KCNH8: variants seen among roughly 807,000 people sequenced by gnomAD.
KCNH8 encodes potassium voltage-gated channel subfamily H member 8.
In KCNH8, 70 loss-of-function variants were observed where a neutral mutation model predicts 103.6. The observed-to-expected ratio is 0.68, with a 90% confidence interval of 0.56 to 0.82. The LOEUF (loss-of-function observed/expected upper bound fraction) is 0.82, where lower values mean the gene tolerates loss of function less well. Ranked by LOEUF, KCNH8 falls within the 40% of genes least tolerant of loss-of-function variation. KCNH8 has a pLI of 0.00. For missense variants in KCNH8, 1,217 were observed against 1,329.9 expected (o/e 0.92, Z 1.32); for synonymous variants, 498 against 489.4 (o/e 1.02, Z -0.23).
At chr3:19,450,447 A>G (rs986757971) in intron 9 of KCNH8, 142 bp downstream of exon 9, 9 of 692,056 alleles carry the variant, frequency 1.3e-5, no homozygotes, top group Admixed American at 4.9e-5. Context: ...ATGAATCCCA[A>G]TCCATCTTCT....
chr3:19,173,741 G>T (rs939941162), intron 1 of KCNH8, among the ~76,000 whole-genome samples: 3 of 152,052 alleles, frequency 2.0e-5, no homozygotes, highest in African/African-American at 7.2e-5. Context: ...AGAACATTTA[G>T]ACTACAATTT....
chr3:19,244,423 T>G lies in KCNH8; in HGVS notation c.77-9231T>G, dbSNP rs942064299. The stretch of plus-strand genomic sequence containing the variant: ...GAACATATGAGTGCACGTGTTTTTG[T>G]TTTTGTTTTTTGTTGTTGTTGTTGT... On this transcript the variant is annotated intron_variant, in intron 1 of 15. Transcript: ENST00000328405. 3.2e-4 allele frequency among the ~76,000 whole-genome samples: 49 copies of G among 152,186 alleles called. 1 individual carries two copies. The highest frequency in any genetic ancestry group is 1.1e-3 in the African/African-American group (45 of 41,462).
intron 11 of KCNH8, among the ~76,000 whole-genome samples, chr3:19,504,898 C>A (rs1390432943): frequency 3.3e-5 from 5 of 151,670 alleles, no homozygotes; most frequent in African/African-American, 1.2e-4. Flanking sequence ...CAGCACTATT[C>A]ACAATAGCAA....
chr3:19,236,258 G>A (rs1207490697), intron 1 of KCNH8, among the ~76,000 whole-genome samples: 1 of 152,184 alleles, frequency 6.6e-6, no homozygotes, highest in Non-Finnish European at 1.5e-5. Flanking sequence ...CTTTGAAGAA[G>A]TCTTCATCTG....
intron 7 of KCNH8, among the ~76,000 whole-genome samples, chr3:19,429,250 T>A (rs1038388288): frequency 2.1e-5 from 3 of 142,522 alleles, no homozygotes; most frequent in Non-Finnish European, 4.5e-5. Context: ...CTCGGCTCAC[T>A]GCAAGCTCCG....
intron 3 of KCNH8, among the ~76,000 whole-genome samples, chr3:19,288,583 G>A (rs1473396356): frequency 3.9e-5 from 6 of 152,084 alleles, no homozygotes; most frequent in Non-Finnish European, 8.8e-5. Flanking sequence ...TGGCTGCAAA[G>A]TATTCCATGG....
At chr3:19,355,663 C>T (rs185484460) in intron 5 of KCNH8, among the ~76,000 whole-genome samples, 2 of 152,000 alleles carry the variant, frequency 1.3e-5, no homozygotes, top group Non-Finnish European at 1.5e-5. Flanking sequence ...TGTTCTCACT[C>T]GTAGGTGGCA....
chr3:19,520,866 A>G (rs1398613057), intron 15 of KCNH8, among the ~76,000 whole-genome samples: 2 of 152,006 alleles, frequency 1.3e-5, no homozygotes, highest in Admixed American at 1.3e-4. Context: ...AGTGTTCATC[A>G]GTGTGTACAT....
At chr3:19,370,297 T>C (rs1261110313) in intron 5 of KCNH8, among the ~76,000 whole-genome samples, 1 of 152,082 alleles carries the variant, frequency 6.6e-6, no homozygotes, top group Non-Finnish European at 1.5e-5. Flanking sequence ...ACAGTTTTTG[T>C]ACTCTCAGAA....
At chr3:19,263,072 T>A (rs140856553) in intron 2 of KCNH8, among the ~76,000 whole-genome samples, 10 of 152,156 alleles carry the variant, frequency 6.6e-5, no homozygotes, top group Non-Finnish European at 1.2e-4. Flanking sequence ...TGGCAGCAAC[T>A]GAAAGCATCC....
At chr3:19,512,903 G>C in intron 12 of KCNH8, 67 bp from the exon 13 acceptor site, 1 of 1,372,352 alleles carries the variant, frequency 7.3e-7, no homozygotes, top group South Asian at 1.4e-5. Flanking sequence ...GAGACCTCCA[G>C]CATTAATGAT....
intron 1 of KCNH8, among the ~76,000 whole-genome samples, chr3:19,151,091 C>T (rs2063124458): frequency 6.6e-6 from 1 of 151,842 alleles, no homozygotes; most frequent in Non-Finnish European, 1.5e-5. Context: ...ATTTTAGCCA[C>T]AAATTTTGGT....
intron 11 of KCNH8, among the ~76,000 whole-genome samples, chr3:19,509,357 A>T (rs781419966): frequency 6.6e-6 from 1 of 152,210 alleles, no homozygotes; most frequent in Non-Finnish European, 1.5e-5. Flanking sequence ...TACTAGGCAG[A>T]TCATTTTCAA....
intron 1 of KCNH8, among the ~76,000 whole-genome samples, chr3:19,180,747 A>T (rs2063444515): frequency 6.6e-6 from 1 of 152,096 alleles, no homozygotes; most frequent in African/African-American, 2.4e-5. Context: ...CCCCAAAAAG[A>T]CTATTTGATA....
intron 1 of KCNH8, among the ~76,000 whole-genome samples, chr3:19,201,572 A>G (rs1238112555): frequency 6.6e-6 from 1 of 151,656 alleles, no homozygotes; most frequent in Non-Finnish European, 1.5e-5. Flanking sequence ...TTTATATTCT[A>G]CTCCACCAGC....
intron 6 of KCNH8, among the ~76,000 whole-genome samples, chr3:19,392,318 C>CA (rs10662694): frequency 0.27 from 34,330 of 125,228 alleles, 4,749 homozygotes; most frequent in Middle Eastern, 0.37. Flanking sequence ...ACATCTGTGT[C>CA]AAAAAAAAAA....
intron 2 of KCNH8, among the ~76,000 whole-genome samples, chr3:19,270,234 CA>C (rs931094822): frequency 3.3e-5 from 5 of 152,032 alleles, no homozygotes; most frequent in Non-Finnish European, 7.4e-5. Context: ...TCTGTAAAGC[CA>C]AAAATATTTA....
intron 5 of KCNH8, among the ~76,000 whole-genome samples, chr3:19,362,105 G>A (rs944486176): frequency 6.6e-5 from 10 of 152,066 alleles, no homozygotes; most frequent in African/African-American, 2.2e-4. Context: ...ATAATGTAGG[G>A]GAGGAAAATC....
At chr3:19,185,179 A>C (rs2063490555) in intron 1 of KCNH8, among the ~76,000 whole-genome samples, 1 of 151,798 alleles carries the variant, frequency 6.6e-6, no homozygotes, top group Non-Finnish European at 1.5e-5. Context: ...TTGTAAGCTT[A>C]TGTTTAACTT....
Sources: allele counts gnomAD v4.1 joint callset (sites outside exome capture counted in the v4.1 genomes callset), GRCh38; gene constraint gnomAD v4.1.1; transcripts MANE v1.5; gene names NCBI Gene and HGNC (gene_info 2026-07-23, HGNC 2026-07-21).